DAGLA: variants seen among roughly 807,000 people sequenced by gnomAD.
DAGLA encodes diacylglycerol lipase-alpha.
Under a neutral mutation model 102.6 loss-of-function variants are expected in DAGLA, and 22 were observed. The observed-to-expected ratio is 0.21, with a 90% confidence interval of 0.15 to 0.31. DAGLA has a LOEUF of 0.31. DAGLA is among the 10% of genes least tolerant of loss of function. DAGLA has a pLI of 1.00. For synonymous variants in DAGLA, 578 were observed against 628.9 expected (o/e 0.92, Z 1.21); for missense variants, 927 against 1,446.6 (o/e 0.64, Z 5.83).
At chr11:61,725,876 CT>C in intron 5 of DAGLA, 118 bp from the exon 6 acceptor site, 2 of 930,040 alleles carry the variant, frequency 2.2e-6, no homozygotes, top group Middle Eastern at 4.4e-4. Context: ...CCAGAACCCA[CT>C]GCGGGAACCC....
At chr11:61,703,349 G>C (rs2065123555) in intron 1 of DAGLA, among the ~76,000 whole-genome samples, 1 of 152,046 alleles carries the variant, frequency 6.6e-6, no homozygotes, top group Admixed American at 6.6e-5. Context: ...GGGCGCTTGG[G>C]GTACCTAAGA....
rs751317821 is a variant in DAGLA, at chr11:61,743,748, C to T, written c.2388C>T (p.Arg796=). 1.2e-6 allele frequency: 2 copies of T among 1,612,248 alleles called. No homozygotes were observed. Among genetic ancestry groups the T allele is most frequent in the Non-Finnish European group, 1.7e-6 (2 of 1,179,876 alleles). Residue 796 remains arginine (R), a synonymous_variant, in exon 20 of 20, where the codon CGC becomes CGT. Coordinates refer to ENST00000257215, the MANE Select transcript of DAGLA (RefSeq NM_006133.3). ...TESLYSFDSR[R]SSGFRSIRGS... ...CCCTGTACAGCTTCGACTCGCGCCG[C>T]TCCTCAGGCTTCCGCAGCATCCGGG...
rs759282953 is a variant in DAGLA, at chr11:61,741,158, T to G, written c.1984-4T>G. The stretch of plus-strand genomic sequence containing the variant: ...ACCCCCAGCCTCCTCTGTCCTGTCC[T>G]CAGGTGCTGGAGAACTACAACAAGG... On this transcript the variant is annotated splice_region_variant and splice_polypyrimidine_tract_variant and intron_variant, in intron 18 of 19. Transcript: ENST00000257215. 1.1e-5 allele frequency: 17 copies of G among 1,610,864 alleles called. No individual in the cohort carries two copies. Among genetic ancestry groups the G allele is most frequent in the Non-Finnish European group, 1.4e-5 (16 of 1,179,464 alleles).
chr11:61,703,171 C>T (rs180997821), intron 1 of DAGLA, among the ~76,000 whole-genome samples: 1 of 152,186 alleles, frequency 6.6e-6, no homozygotes, highest in Non-Finnish European at 1.5e-5. Flanking sequence ...GTGAGCTCCC[C>T]CAACCTGCCA....
chr11:61,697,864 C>T (rs1225278450), intron 1 of DAGLA, among the ~76,000 whole-genome samples: 1 of 152,052 alleles, frequency 6.6e-6, no homozygotes, highest in Non-Finnish European at 1.5e-5. Context: ...TAATTTCCTC[C>T]TGTGATGGCC....
chr11:61,714,183 T>A (rs922111551), intron 1 of DAGLA, among the ~76,000 whole-genome samples: 1 of 152,172 alleles, frequency 6.6e-6, no homozygotes, highest in Admixed American at 6.5e-5. Context: ...CAATTTTGAT[T>A]TACTGGGGCC....
chr11:61,698,564 A>G (rs148705716), intron 1 of DAGLA, among the ~76,000 whole-genome samples: 75 of 152,204 alleles, frequency 4.9e-4, no homozygotes, highest in African/African-American at 1.5e-3. Context: ...AGGAAAGGAA[A>G]CCTCGTACCC....
chr11:61,731,080 C>T (rs1020600041), intron 8 of DAGLA, among the ~76,000 whole-genome samples: 1 of 152,228 alleles, frequency 6.6e-6, no homozygotes, highest in Non-Finnish European at 1.5e-5. Flanking sequence ...ACTGGAGCAA[C>T]AGGACAGGTC....
At chr11:61,706,258 G>A (rs2065148441) in intron 1 of DAGLA, among the ~76,000 whole-genome samples, 1 of 152,200 alleles carries the variant, frequency 6.6e-6, no homozygotes, top group Non-Finnish European at 1.5e-5. Context: ...CTTCACCCTT[G>A]AGCTGGGCTC....
chr11:61,717,297 A>G (rs566160471), intron 1 of DAGLA, among the ~76,000 whole-genome samples: 2 of 152,216 alleles, frequency 1.3e-5, no homozygotes, highest in East Asian at 3.9e-4. Context: ...AATAGCCCCA[A>G]GAGATGTATG....
intron 1 of DAGLA, among the ~76,000 whole-genome samples, chr11:61,709,771 C>T (rs1308643762): frequency 6.6e-6 from 1 of 152,174 alleles, no homozygotes; most frequent in Non-Finnish European, 1.5e-5. Context: ...ACCTCTTCCC[C>T]TGGGGAAAGA....
chr11:61,736,557 T>C (rs2065424600), intron 13 of DAGLA, among the ~76,000 whole-genome samples: 1 of 152,212 alleles, frequency 6.6e-6, no homozygotes. Flanking sequence ...CTACAGTCAT[T>C]GGGCACCTGA....
intron 1 of DAGLA, among the ~76,000 whole-genome samples, chr11:61,712,391 C>G (rs546543417): frequency 6.6e-6 from 1 of 152,286 alleles, no homozygotes; most frequent in South Asian, 2.1e-4. Flanking sequence ...TCCAGGCCAT[C>G]CTGGGGGAGA....
chr11:61,732,817 A>AGAAG (rs1215063438), intron 9 of DAGLA, among the ~76,000 whole-genome samples: 1 of 152,102 alleles, frequency 6.6e-6, no homozygotes, highest in Non-Finnish European at 1.5e-5. Context: ...GGCCAGAGGG[A>AGAAG]GAAGGGCTGC....
intron 1 of DAGLA, among the ~76,000 whole-genome samples, chr11:61,709,086 T>C (rs2065173620): frequency 6.6e-6 from 1 of 152,236 alleles, no homozygotes; most frequent in African/African-American, 2.4e-5. Flanking sequence ...CTGTGATCAT[T>C]GTGTGAGCTC....
At chr11:61,717,281 C>T (rs947933997) in intron 1 of DAGLA, among the ~76,000 whole-genome samples, 5 of 152,142 alleles carry the variant, frequency 3.3e-5, no homozygotes, top group Non-Finnish European at 7.4e-5. Context: ...ATTCAAGGCC[C>T]TTAAAAATAG....
chr11:61,729,040 G>A (rs756352842), intron 8 of DAGLA, 32 bp downstream of exon 8: 31 of 1,490,672 alleles, frequency 2.1e-5, no homozygotes, highest in African/African-American at 7.1e-5. Context: ...ACCCCACCCC[G>A]TCCCCATCCC....
intron 1 of DAGLA, among the ~76,000 whole-genome samples, chr11:61,688,098 C>T (rs1417743275): frequency 1.1e-4 from 17 of 151,928 alleles, no homozygotes; most frequent in African/African-American, 3.6e-4. Flanking sequence ...GGGCGGGTCA[C>T]GAGGTCAGGA....
At chr11:61,740,134 G>A (rs4963255) in intron 17 of DAGLA, among the ~76,000 whole-genome samples, 20,870 of 152,262 alleles carry the variant, frequency 0.14, 1,615 homozygotes, top group East Asian at 0.27. Flanking sequence ...CAGACGGCTG[G>A]GCCCTGGCTC....
Sources: allele counts gnomAD v4.1 joint callset (sites outside exome capture counted in the v4.1 genomes callset), GRCh38; gene constraint gnomAD v4.1.1; transcripts MANE v1.5; gene names NCBI Gene and HGNC (gene_info 2026-07-23, HGNC 2026-07-21).